Variants in IL1R1 observed in about 807,000 individuals in gnomAD.
IL1R1 encodes interleukin 1 receptor type 1, also known as interleukin-1 receptor type 1.
Under a neutral mutation model 50.2 loss-of-function variants are expected in IL1R1, and 22 were observed. That is an observed-to-expected ratio of 0.44 (90% confidence interval 0.31 to 0.63). The LOEUF (loss-of-function observed/expected upper bound fraction) is 0.63. Among genes scored for constraint, IL1R1 ranks in the 20% least tolerant of loss-of-function variants. The pLI, the probability that IL1R1 is intolerant of heterozygous loss-of-function variation, is 0.07. For missense variants in IL1R1, 509 were observed against 676.2 expected (o/e 0.75, Z 2.74); for synonymous variants, 251 against 236.7 (o/e 1.06, Z -0.55).
At chr2:102,111,808 G>A (rs1465834283) in intron 1 of IL1R1, among the ~76,000 whole-genome samples, 3 of 152,152 alleles carry the variant, frequency 2.0e-5, no homozygotes, top group Non-Finnish European at 4.4e-5. Context: ...ACAGCTGCAA[G>A]TAGGGCTTCT....
chr2:102,097,525 A>G (rs6750459), intron 1 of IL1R1, among the ~76,000 whole-genome samples: 4,459 of 152,262 alleles, frequency 0.029, 218 homozygotes, highest in African/African-American at 0.099. Flanking sequence ...TGATGAAAGA[A>G]AAAAGACTAT....
chr2:102,100,761 T>C (rs1230636857), upstream of IL1R1, among the ~76,000 whole-genome samples: 1 of 152,126 alleles, frequency 6.6e-6, no homozygotes, highest in Non-Finnish European at 1.5e-5. Flanking sequence ...TTAAACTCAG[T>C]AATGGGTGTG....
intron 1 of IL1R1, among the ~76,000 whole-genome samples, chr2:102,078,562 T>TCACA (rs35407722): frequency 0.051 from 5,295 of 104,026 alleles, 213 homozygotes; most frequent in African/African-American, 0.11. Flanking sequence ...TCAAAAAACT[T>TCACA]CACACACACA....
intron 1 of IL1R1, among the ~76,000 whole-genome samples, chr2:102,090,085 C>T (rs1412554358): frequency 6.6e-6 from 1 of 151,804 alleles, no homozygotes; most frequent in Non-Finnish European, 1.5e-5. Flanking sequence ...CCGCCTGCCT[C>T]AGCCTCCCAA....
rs868792438 is a variant in IL1R1, at chr2:102,133,097, A to T, written c.-83-20844A>T. Among the ~76,000 whole-genome samples, 3 of 152,232 alleles carry T rather than the reference A, an allele frequency of 2.0e-5. No homozygotes were observed. In the South Asian group the frequency reaches 6.2e-4, roughly 32 times the overall value. ...ATCGCTACTAAAAATACAAAAAATTAGCTGGACATGGTGGCGGGCACCTGT... is the reference window on the plus strand; with the variant it reads ...ATCGCTACTAAAAATACAAAAAATTTGCTGGACATGGTGGCGGGCACCTGT... On this transcript the variant is annotated intron_variant, in intron 1 of 10. Coordinates refer to the IL1R1 transcript ENST00000409329.
intron 1 of IL1R1, among the ~76,000 whole-genome samples, chr2:102,123,093 C>T (rs369173218): frequency 6.6e-6 from 1 of 152,200 alleles, no homozygotes; most frequent in East Asian, 1.9e-4. Flanking sequence ...ACATAGAAAT[C>T]ATGAAAGATG....
intron 1 of IL1R1, among the ~76,000 whole-genome samples, chr2:102,089,186 C>T (rs1181252377): frequency 6.6e-6 from 1 of 152,216 alleles, no homozygotes; most frequent in Non-Finnish European, 1.5e-5. Flanking sequence ...TGGCTTTCAA[C>T]ATGCCTAAGC....
chr2:102,177,952 C>T lies in IL1R1; in HGVS notation c.*1193C>T, dbSNP rs1251579210. 2 of 152,828 alleles carry T rather than the reference C, an allele frequency of 1.3e-5. No homozygotes were observed. The highest frequency in any genetic ancestry group is 6.5e-5 in the Admixed American group (1 of 15,284). The allele number at this position is 152,828 out of a possible 1,614,324, so 9.5% of individuals were successfully genotyped here. A position where few individuals can be genotyped will look rare whatever the true frequency, so the allele number is the denominator to read the frequency against. On this transcript the variant is annotated 3_prime_UTR_variant, in exon 12 of 12. Transcript: ENST00000410023. ...TCAGGAGCTGAAGCCCATGCTTTCC[C>T]ACCAGCATGTCACTCCCAGACCACC...
chr2:102,143,642 A>G (rs1460980229), intron 1 of IL1R1, among the ~76,000 whole-genome samples: 1 of 152,168 alleles, frequency 6.6e-6, no homozygotes, highest in African/African-American at 2.4e-5. Context: ...TAGGTGACCA[A>G]CTTGTTGGAG....
rs1471788130 is a variant in IL1R1 at position 102,178,602 on chromosome 2, A to T, written c.*1843A>T. On this transcript the variant is annotated 3_prime_UTR_variant, in exon 12 of 12. Coordinates refer to ENST00000410023, the MANE Select transcript of IL1R1 (RefSeq NM_000877.4). Reference sequence around the variant, plus strand: ...CGGTCCCCCCTCACTCCACACTGGCACGTTTGTGAGAAGAAATGACATTTT... The same window carrying T: ...CGGTCCCCCCTCACTCCACACTGGCTCGTTTGTGAGAAGAAATGACATTTT... 1 of 152,244 alleles carries T rather than the reference A, an allele frequency of 6.6e-6. No homozygotes were observed. Among genetic ancestry groups the T allele is most frequent in the Non-Finnish European group, 1.5e-5 (1 of 68,014 alleles). The allele number at this position is 152,244 out of a possible 1,614,324, so 9.4% of individuals were successfully genotyped here. A position where few individuals can be genotyped will look rare whatever the true frequency, so the allele number is the denominator to read the frequency against.
intron 1 of IL1R1, among the ~76,000 whole-genome samples, chr2:102,097,038 A>G (rs1679935193): frequency 6.6e-6 from 1 of 152,210 alleles, no homozygotes; most frequent in Non-Finnish European, 1.5e-5. Flanking sequence ...GAAATATTAC[A>G]ATGAAGTTGC....
rs529442397 is a variant in IL1R1 at position 102,084,149 on chromosome 2, G to A, written c.-84+13616G>A. ...AGATGTAGCAGTTATAATGTGAGGCGCAAATGAGAAAGGCCATACAAAAAC... is the reference window on the plus strand; with the variant it reads ...AGATGTAGCAGTTATAATGTGAGGCACAAATGAGAAAGGCCATACAAAAAC... On this transcript the variant is annotated intron_variant, in intron 1 of 11. Coordinates refer to the IL1R1 transcript ENST00000409929. Among the ~76,000 whole-genome samples, 13 of 152,154 alleles carry A rather than the reference G, an allele frequency of 8.5e-5. No homozygotes were observed. The East Asian group carries it at 1.7e-3, about 20-fold the overall frequency.
rs1679693828 is a variant in IL1R1, at chr2:102,092,099, T to C, written c.-84+21566T>C. On this transcript the variant is annotated intron_variant, in intron 1 of 11. Coordinates refer to the IL1R1 transcript ENST00000409929. ...TCCCAGAACTCAGGAAATCCCTATT[T>C]TGCAAACTCATCATTTGTTTGAGAC... 5.3e-5 allele frequency among the ~76,000 whole-genome samples: 8 copies of C among 152,322 alleles called. No homozygotes were observed. The South Asian group carries it at 1.5e-3, about 28-fold the overall frequency.
At chr2:102,140,949 G>A (rs1682612790), upstream of IL1R1, among the ~76,000 whole-genome samples, 1 of 152,160 alleles carries the variant, frequency 6.6e-6, no homozygotes, top group Non-Finnish European at 1.5e-5. Context: ...TGGCTGAACG[G>A]GGACAACACT....
upstream of IL1R1, among the ~76,000 whole-genome samples, chr2:102,101,980 T>C (rs571320084): frequency 1.3e-5 from 2 of 152,178 alleles, no homozygotes; most frequent in East Asian, 3.9e-4. Flanking sequence ...TGTGGGTGCG[T>C]GTGGGTGCAT....
At chr2:102,099,166 A>T (rs569290750) in intron 1 of IL1R1, among the ~76,000 whole-genome samples, 7 of 152,322 alleles carry the variant, frequency 4.6e-5, no homozygotes, top group Non-Finnish European at 1.0e-4. Context: ...GTAGATCCAA[A>T]TCCTAGTCTT....
intron 2 of IL1R1, among the ~76,000 whole-genome samples, chr2:102,157,001 G>T (rs922913699): frequency 6.6e-6 from 1 of 152,174 alleles, no homozygotes; most frequent in Non-Finnish European, 1.5e-5. Flanking sequence ...TCAAAGCACA[G>T]AATTACATGG....
chr2:102,174,205 C>G (rs34663887), intron 9 of IL1R1, among the ~76,000 whole-genome samples: 1 of 152,160 alleles, frequency 6.6e-6, no homozygotes, highest in Non-Finnish European at 1.5e-5. Context: ...AAGCCTCCAC[C>G]TTATTCGCTT....
intron 9 of IL1R1, 96 bp from the exon 10 acceptor site, chr2:102,174,491 G>A: frequency 2.3e-6 from 2 of 867,676 alleles, no homozygotes; most frequent in Non-Finnish European, 3.4e-6. Context: ...CCAGATATGG[G>A]CTCTCTGAGA....
Sources: gnomAD v4.1 joint callset for allele counts (sites outside exome capture counted in the v4.1 genomes callset) on GRCh38, gnomAD v4.1.1 for gene constraint, MANE v1.5 for transcripts, NCBI Gene and HGNC (gene_info 2026-07-23, HGNC 2026-07-21) for gene names.